The following CDH18 variants were observed in gnomAD, a reference collection of about 807,000 sequenced individuals.
CDH18 encodes the protein cadherin 18.
CDH18 carries 31 observed loss-of-function variants against 67.9 expected under a neutral mutation model. The observed-to-expected ratio is 0.46, with a 90% confidence interval of 0.34 to 0.62. CDH18 has a LOEUF of 0.62. CDH18 is among the 20% of genes least tolerant of loss of function. The probability of loss-of-function intolerance (pLI) is 0.01; values close to 1 mark genes in which losing one functional copy is unlikely to be tolerated. For synonymous variants in CDH18, 362 were observed against 347.2 expected (o/e 1.04, Z -0.48); for missense variants, 890 against 975.5 (o/e 0.91, Z 1.17).
intron 2 of CDH18, among the ~76,000 whole-genome samples, chr5:19,847,217 A>G (rs1188487973): frequency 6.6e-6 from 1 of 152,074 alleles, no homozygotes; most frequent in Non-Finnish European, 1.5e-5. Context: ...AAGTAAACTC[A>G]TTGATCTTTT....
intron 2 of CDH18, among the ~76,000 whole-genome samples, chr5:19,930,139 A>G (rs1298597437): frequency 2.0e-5 from 3 of 152,112 alleles, no homozygotes; most frequent in African/African-American, 7.2e-5. Context: ...TATAATTATC[A>G]TTCTCAGCAT....
In CDH18 at chr5:20,351,160, T is replaced by TTGTGTGTGTGTGTGTGTG. The variant is rs375375615; in HGVS notation, c.-579-95673_-579-95656dup. On this transcript the variant is annotated intron_variant, in intron 1 of 14. Coordinates refer to the CDH18 transcript ENST00000507958. ...CCTGCTCCAAACATAGTAAATGTAT[T>TTGTGTGTGTGTGTGTGTG]TGTGTGTGTGTGTGTGTGTGTGTGT... Among the ~76,000 whole-genome samples the TTGTGTGTGTGTGTGTGTG allele has an allele frequency of 6.5e-4, 86 of 132,086 alleles. 1 individual carries two copies. The highest frequency in any genetic ancestry group is 2.3e-3 in the African/African-American group (86 of 37,270). The allele number at this position is 132,086 out of a possible 152,430, so 86.7% of individuals were successfully genotyped here. A position where few individuals can be genotyped will look rare whatever the true frequency, so the allele number is the denominator to read the frequency against.
chr5:19,777,325 G>T (rs967758231), intron 3 of CDH18, among the ~76,000 whole-genome samples: 3 of 152,068 alleles, frequency 2.0e-5, no homozygotes, highest in Admixed American at 2.0e-4. Flanking sequence ...GCAAAGACAA[G>T]TTTATATGTA....
rs754191590 is a variant in CDH18 at position 19,522,417 on chromosome 5, G to A, written c.1391-1639C>T. On this transcript the variant is annotated intron_variant, in intron 9 of 12. Coordinates refer to ENST00000382275, the MANE Select transcript of CDH18 (RefSeq NM_004934.5). Reference sequence around the variant, plus strand: ...ATTAAAAAAGATATAAAGATATTAAGAGCTGTATTACGTCTGCGGTTAAAG... The same window carrying A: ...ATTAAAAAAGATATAAAGATATTAAAAGCTGTATTACGTCTGCGGTTAAAG... Among the ~76,000 whole-genome samples, 3 of 152,054 alleles carry A rather than the reference G, an allele frequency of 2.0e-5. No individual in the cohort carries two copies. The South Asian group carries it at 6.2e-4, about 32-fold the overall frequency.
At chr5:20,049,052 TA>T (rs1258922802) in intron 2 of CDH18, among the ~76,000 whole-genome samples, 1 of 151,818 alleles carries the variant, frequency 6.6e-6, no homozygotes, top group East Asian at 1.9e-4. Context: ...AAATCTGCTT[TA>T]TTTTTTTATC....
At chr5:20,177,835 C>T (rs1737361910) in intron 2 of CDH18, among the ~76,000 whole-genome samples, 1 of 152,078 alleles carries the variant, frequency 6.6e-6, no homozygotes, top group Non-Finnish European at 1.5e-5. Context: ...TTGCTTGGCT[C>T]TCATTCTCTC....
intron 2 of CDH18, among the ~76,000 whole-genome samples, chr5:20,213,727 T>C (rs1358470636): frequency 1.3e-5 from 2 of 152,108 alleles, no homozygotes; most frequent in African/African-American, 4.8e-5. Context: ...GTGGGGTCAG[T>C]GGTAATATCC....
At position 19,863,703 on chromosome 5, in the gene CDH18, C is replaced by T. The variant is rs1826968; in HGVS notation, c.-256-24461G>A. Among the ~76,000 whole-genome samples the T allele has an allele frequency of 4.9e-3, 743 of 152,236 alleles. 5 individuals are homozygous for T. Among genetic ancestry groups the T allele is most frequent in the African/African-American group, 0.017 (711 of 41,550 alleles). ...TGCCCCTGGCAGCAGGTGGCAGTGG[C>T]CCCAGGATGCAGAAGGGAGGCATAA... is the stretch of plus-strand genomic sequence containing the variant. On this transcript the variant is annotated intron_variant, in intron 2 of 12. Coordinates refer to ENST00000382275, the MANE Select transcript of CDH18 (RefSeq NM_004934.5).
chr5:20,146,706 T>C (rs1012452677), intron 2 of CDH18, among the ~76,000 whole-genome samples: 4 of 151,912 alleles, frequency 2.6e-5, no homozygotes, highest in Non-Finnish European at 5.9e-5. Flanking sequence ...CAAGTTGTAA[T>C]AAATGATAGA....
At chr5:20,428,488 T>A (rs921495267) in intron 1 of CDH18, among the ~76,000 whole-genome samples, 1 of 152,172 alleles carries the variant, frequency 6.6e-6, no homozygotes, top group African/African-American at 2.4e-5. Context: ...TCAAATGATA[T>A]TTCTGGTTCT....
chr5:19,967,707 A>ATG (rs1370443308), intron 2 of CDH18, among the ~76,000 whole-genome samples: 5 of 152,242 alleles, frequency 3.3e-5, no homozygotes, highest in African/African-American at 1.2e-4. Context: ...AATAAGAGCT[A>ATG]TCTATGACAA....
chr5:20,490,251 G>C (rs926263529), intron 1 of CDH18, among the ~76,000 whole-genome samples: 5 of 152,028 alleles, frequency 3.3e-5, no homozygotes, highest in African/African-American at 1.2e-4. Context: ...ACATTATAGT[G>C]TGTCATTTTT....
intron 6 of CDH18, among the ~76,000 whole-genome samples, chr5:19,593,013 A>T (rs1040646509): frequency 6.6e-6 from 1 of 152,048 alleles, no homozygotes; most frequent in African/African-American, 2.4e-5. Context: ...TCTTTTTTTA[A>T]GGCTAAATAC....
intron 6 of CDH18, among the ~76,000 whole-genome samples, chr5:19,592,537 T>C (rs1008378047): frequency 6.6e-6 from 1 of 152,092 alleles, no homozygotes; most frequent in Non-Finnish European, 1.5e-5. Flanking sequence ...TACAAGGACA[T>C]AGACTATATA....
intron 6 of CDH18, among the ~76,000 whole-genome samples, chr5:19,591,856 T>C (rs1173189745): frequency 6.6e-6 from 1 of 152,008 alleles, no homozygotes; most frequent in Admixed American, 6.6e-5. Context: ...AATAACAAAG[T>C]TATTAAAATT....
intron 2 of CDH18, among the ~76,000 whole-genome samples, chr5:20,171,080 G>C (rs910925059): frequency 1.3e-5 from 2 of 151,480 alleles, no homozygotes; most frequent in African/African-American, 4.9e-5. Flanking sequence ...AGCATTCCCT[G>C]GTGTATATGT....
chr5:19,972,495 T>C (rs572519708), intron 2 of CDH18, among the ~76,000 whole-genome samples: 22 of 152,156 alleles, frequency 1.4e-4, no homozygotes, highest in Middle Eastern at 3.4e-3. Context: ...ATTAAAACAA[T>C]TGATGACTCC....
chr5:20,083,329 T>G (rs2150546896), intron 2 of CDH18, among the ~76,000 whole-genome samples: 1 of 152,340 alleles, frequency 6.6e-6, no homozygotes, highest in Admixed American at 6.5e-5. Context: ...GCATATCTTC[T>G]TTTATTATGC....
At chr5:20,547,074 A>C (rs73048769) in intron 1 of CDH18, among the ~76,000 whole-genome samples, 3,516 of 152,196 alleles carry the variant, frequency 0.023, 127 homozygotes, top group African/African-American at 0.08. Flanking sequence ...AACAAGAAAC[A>C]AATTTACCAA....
Sources: gnomAD v4.1 joint callset for allele counts (sites outside exome capture counted in the v4.1 genomes callset) on GRCh38, gnomAD v4.1.1 for gene constraint, MANE v1.5 for transcripts, NCBI Gene and HGNC (gene_info 2026-07-23, HGNC 2026-07-21) for gene names.